WDR74: variants seen among roughly 807,000 people sequenced by gnomAD.
WDR74 encodes the protein WD repeat-containing protein 74.
Under a neutral mutation model 45.6 loss-of-function variants are expected in WDR74, and 31 were observed. The observed-to-expected ratio is 0.68, with a 90% CI of 0.51 to 0.92. The LOEUF (loss-of-function observed/expected upper bound fraction) is 0.92, where lower values mean the gene tolerates loss of function less well. WDR74 is among the 40% of genes least tolerant of loss of function. WDR74 has a pLI of 0.00. For synonymous variants in WDR74, 191 were observed against 192.4 expected (o/e 0.99, Z 0.06); for missense variants, 455 against 497.2 (o/e 0.92, Z 0.81).
chr11:62,834,800 G>A (rs1396543934), intron 6 of WDR74: 6 of 452,186 alleles, frequency 1.3e-5, no homozygotes, highest in Non-Finnish European at 2.4e-5. Context: ...GGGAAATGGA[G>A]GGACAGAAAA....
chr11:62,840,478 CA>C (rs56720090), upstream of WDR74: 116 of 121,558 alleles, frequency 9.5e-4, no homozygotes, highest in East Asian at 5.0e-3. Context: ...GACTCCGTCT[CA>C]AAAAAAAAAA....
upstream of WDR74, chr11:62,841,568 C>A (rs147298191): frequency 6.6e-6 from 1 of 152,284 alleles, no homozygotes; most frequent in Admixed American, 6.5e-5. Context: ...TTAGCTTGTA[C>A]CCTAACTGAT....
At chr11:62,833,210 G>A (rs2134875283) in intron 10 of WDR74, 79 bp from the exon 11 acceptor site, 2 of 1,425,620 alleles carry the variant, frequency 1.4e-6, no homozygotes, top group East Asian at 2.6e-5. Context: ...CACTTTGGGA[G>A]ACCAAGGCAG....
At chr11:62,839,833 G>A, upstream of WDR74, 1 of 529,050 alleles carries the variant, frequency 1.9e-6, no homozygotes, top group Non-Finnish European at 3.4e-6. Context: ...GCCCTAGTCT[G>A]TCTCCCGGCT....
chr11:62,834,241 C>G, intron 8 of WDR74, 35 bp downstream of exon 8: 1 of 1,613,784 alleles, frequency 6.2e-7, no homozygotes, highest in Non-Finnish European at 8.5e-7. Context: ...TCTCCCTGCT[C>G]CTTCCTTTCC....
chr11:62,841,425 C>T (rs975064820), upstream of WDR74: 1 of 152,128 alleles, frequency 6.6e-6, no homozygotes, highest in African/African-American at 2.4e-5. Flanking sequence ...TGCTGAAGAC[C>T]ACATGGAGAT....
upstream of WDR74, among the ~76,000 whole-genome samples, chr11:62,841,329 T>C (rs938547131): frequency 1.3e-5 from 2 of 151,630 alleles, no homozygotes; most frequent in African/African-American, 2.4e-5. Context: ...AAAAAATAAA[T>C]AAGAAATAAA....
rs2084933418 is a variant in WDR74, at chr11:62,834,720, C to T, written c.619-193G>A. The T allele has an allele frequency of 3.7e-5, 22 of 594,028 alleles. No individual in the cohort carries two copies. In the South Asian group the frequency reaches 4.3e-4, roughly 12 times the overall value. 36.8% of individuals were successfully genotyped at this position (594,028 alleles called of 1,614,324 possible). A position where few individuals can be genotyped will look rare whatever the true frequency, so the allele number is the denominator to read the frequency against. On this transcript the variant is annotated intron_variant, in intron 6 of 10. Transcript: ENST00000278856. ...AGAGCTGCTTAGCAGCATAAATGGA[C>T]AGAGCTGAGGGGAGAGGTCCCCTAG... is the stretch of plus-strand genomic sequence containing the variant.
chr11:62,839,863 C>T (rs948571464), upstream of WDR74: 6 of 428,630 alleles, frequency 1.4e-5, no homozygotes, highest in Middle Eastern at 1.1e-3. Flanking sequence ...AATATGTGTT[C>T]TGGACTGTTA....
rs749722385 is a variant in WDR74 at position 62,839,114 on chromosome 11, C to T, written c.293G>A (p.Gly98Asp). 2.5e-6 allele frequency: 4 copies of T among 1,613,190 alleles called. No individual in the cohort carries two copies. The East Asian group carries it at 8.9e-5, about 36-fold the overall frequency. ...GMFRGLAQAD[G>D]TLITCVDSGI... is the part of the protein sequence containing the mutation. ...AGTTTAGCGAGGGGATTGGTCTTACCCGTCGGCCTGGGCGAGGCCACGGAA... is the reference window on the plus strand; with the variant it reads ...AGTTTAGCGAGGGGATTGGTCTTACTCGTCGGCCTGGGCGAGGCCACGGAA... Residue 98 changes from glycine (G) to aspartate (D), a missense_variant and splice_region_variant, in exon 3 of 11, where the codon GGC becomes GAC. Gly to Asp is a moderately conservative substitution (Grantham distance 94). Coordinates refer to ENST00000278856, the MANE Select transcript of WDR74 (RefSeq NM_001369450.1).
At chr11:62,841,463 A>G (rs2085049596), upstream of WDR74, 1 of 152,244 alleles carries the variant, frequency 6.6e-6, no homozygotes. Flanking sequence ...GTTATAAAAC[A>G]AAACCTTCTC....
At position 62,834,324 on chromosome 11, in the gene WDR74, T is replaced by C. The variant is rs1208815056; in HGVS notation, c.727A>G (p.Ile243Val). 6.2e-7 allele frequency: 1 copy of C among 1,613,886 alleles called. No individual in the cohort carries two copies. The highest frequency in any genetic ancestry group is 1.1e-5 in the South Asian group (1 of 91,066). ...AGCTGCCCATGAGTGTTTCCCACAATCACTGAGCTGAGGATGAGACCAGAG... is the reference window on the plus strand; with the variant it reads ...AGCTGCCCATGAGTGTTTCCCACAACCACTGAGCTGAGGATGAGACCAGAG... ...MTLTPGGNSV[I>V]VGNTHGQLAE... is the part of the protein sequence containing the mutation. Residue 243 changes from isoleucine to valine, a missense_variant, in exon 8 of 11, where the codon ATT becomes GTT. Transcript: ENST00000278856.
At chr11:62,834,390 G>GGGCC in intron 7 of WDR74, 37 bp downstream of exon 7, 1 of 1,584,234 alleles carries the variant, frequency 6.3e-7, no homozygotes, top group Non-Finnish European at 8.6e-7. Context: ...CCCTTCTCAA[G>GGGCC]CCCCACCCTC....
At chr11:62,839,707 C>G (rs1484546103), upstream of WDR74, 2 of 1,142,098 alleles carry the variant, frequency 1.8e-6, no homozygotes, top group Non-Finnish European at 2.4e-6. Context: ...GCTTGTTTTG[C>G]TTTACGAAAA....
chr11:62,838,212 G>A (rs1382712796), intron 3 of WDR74, among the ~76,000 whole-genome samples: 3 of 152,208 alleles, frequency 2.0e-5, no homozygotes, highest in East Asian at 1.9e-4. Context: ...GAGTGCACTG[G>A]TGCGATCTCT....
chr11:62,841,411 A>AGG (rs200865978), upstream of WDR74, among the ~76,000 whole-genome samples: 7,493 of 152,294 alleles, frequency 0.049, 242 homozygotes, highest in East Asian at 0.15. Flanking sequence ...TGAAGTATGA[A>AGG]GATTGCTGAA....
intron 3 of WDR74, among the ~76,000 whole-genome samples, chr11:62,837,514 AC>A (rs991820782): frequency 6.8e-6 from 1 of 147,486 alleles, no homozygotes; most frequent in African/African-American, 2.5e-5. Context: ...AAAACAAAAA[AC>A]AAAAAAAAAA....
chr11:62,835,371 G>A lies in WDR74; in HGVS notation c.618+60C>T, dbSNP rs1438301259. Reference sequence around the variant, plus strand: ...AGAGCAGTTGTGTCAAACCGTGGGGGCCATTTCTCCAGGAGGCTGCTTTAT... The same window carrying A: ...AGAGCAGTTGTGTCAAACCGTGGGGACCATTTCTCCAGGAGGCTGCTTTAT... On this transcript the variant is annotated intron_variant, in intron 6 of 10. Transcript: ENST00000278856. 9.4e-6 allele frequency: 14 copies of A among 1,493,562 alleles called. No homozygotes were observed. The East Asian group carries it at 2.5e-4, about 27-fold the overall frequency. 92.5% of individuals were successfully genotyped at this position (1,493,562 alleles called of 1,614,324 possible). A position where few individuals can be genotyped will look rare whatever the true frequency, so the allele number is the denominator to read the frequency against.
At chr11:62,839,643 G>A, upstream of WDR74, 3 of 1,523,768 alleles carry the variant, frequency 2.0e-6, no homozygotes, top group East Asian at 2.3e-5. Context: ...CGAGTCCGAT[G>A]CAGCGCAGTG....
Sources: gnomAD v4.1 joint callset for allele counts (sites outside exome capture counted in the v4.1 genomes callset) on GRCh38, gnomAD v4.1.1 for gene constraint, MANE v1.5 for transcripts, NCBI Gene and HGNC (gene_info 2026-07-23, HGNC 2026-07-21) for gene names.